The following SYN3 variants were observed in gnomAD, a reference collection of about 807,000 sequenced individuals.
SYN3 encodes the protein synapsin III.
SYN3 carries 35 observed loss-of-function variants against 65.8 expected under a neutral mutation model. The ratio of observed to expected loss-of-function variants is 0.53; its 90% CI spans 0.41 to 0.70. The LOEUF is 0.70. SYN3 is among the 30% of genes least tolerant of loss of function. The probability of loss-of-function intolerance (pLI) is 0.00; values close to 1 mark genes in which losing one functional copy is unlikely to be tolerated. For synonymous variants in SYN3, 270 were observed against 292.9 expected, an observed-to-expected ratio of 0.92 and a Z score of 0.80; for missense variants, 680 against 749.0, an observed-to-expected ratio of 0.91 and a Z score of 1.08.
At chr22:32,700,377 C>T (rs1344921800) in intron 6 of SYN3, among the ~76,000 whole-genome samples, 7 of 152,164 alleles carry the variant, frequency 4.6e-5, no homozygotes, top group Non-Finnish European at 1.0e-4. Flanking sequence ...AGGATAGGAT[C>T]TCTGAGCTGA....
chr22:32,717,106 C>T (rs969922614), intron 6 of SYN3, among the ~76,000 whole-genome samples: 1 of 152,166 alleles, frequency 6.6e-6, no homozygotes, highest in Admixed American at 6.5e-5. Context: ...CCTGTTATAA[C>T]CCTGCAAGGT....
chr22:32,866,437 G>C (rs1320228941), intron 5 of SYN3, among the ~76,000 whole-genome samples: 3 of 152,214 alleles, frequency 2.0e-5, no homozygotes, highest in African/African-American at 7.2e-5. Flanking sequence ...GGAAATTGGA[G>C]TCCAGAAAGG....
intron 6 of SYN3, among the ~76,000 whole-genome samples, chr22:32,600,800 G>A (rs1033647751): frequency 6.6e-6 from 1 of 151,992 alleles, no homozygotes; most frequent in Admixed American, 6.6e-5. Context: ...CAATTCTCCT[G>A]CCTCAGACTT....
intron 6 of SYN3, among the ~76,000 whole-genome samples, chr22:32,655,812 C>G (rs2060134508): frequency 6.6e-6 from 1 of 152,096 alleles, no homozygotes. Flanking sequence ...AAATAAGGTG[C>G]ACAATAAATG....
chr22:32,968,796 C>T (rs150770303), intron 3 of SYN3, among the ~76,000 whole-genome samples: 98 of 152,324 alleles, frequency 6.4e-4, no homozygotes, highest in African/African-American at 2.1e-3. Context: ...GAGAGATCCT[C>T]GTCGCAACAC....
At chr22:32,854,418 C>T (rs567369996) in intron 6 of SYN3, among the ~76,000 whole-genome samples, 4 of 152,148 alleles carry the variant, frequency 2.6e-5, no homozygotes, top group South Asian at 2.1e-4. Context: ...CTCTCACCCA[C>T]GAAGCACTAG....
chr22:32,787,867 G>A (rs1174054929), intron 6 of SYN3, among the ~76,000 whole-genome samples: 1 of 152,112 alleles, frequency 6.6e-6, no homozygotes, highest in Non-Finnish European at 1.5e-5. Flanking sequence ...GATCTGACTG[G>A]CCATGGCAAG....
At chr22:33,052,212 A>G (rs1035792205) in intron 1 of SYN3, among the ~76,000 whole-genome samples, 1 of 151,962 alleles carries the variant, frequency 6.6e-6, no homozygotes, top group African/African-American at 2.4e-5. Context: ...CTCTTCCAAA[A>G]CCTTGGGCTC....
At chr22:32,875,053 T>C (rs941985818) in intron 4 of SYN3, among the ~76,000 whole-genome samples, 1 of 152,164 alleles carries the variant, frequency 6.6e-6, no homozygotes, top group African/African-American at 2.4e-5. Flanking sequence ...GAATCGCCCA[T>C]ATGGAAGGAC....
At chr22:33,011,364 G>A (rs1415788692) in intron 1 of SYN3, among the ~76,000 whole-genome samples, 1 of 152,114 alleles carries the variant, frequency 6.6e-6, no homozygotes. Flanking sequence ...TTAACAATGT[G>A]GTAAATTATA....
At chr22:32,850,167 A>G (rs2048179282) in intron 6 of SYN3, among the ~76,000 whole-genome samples, 1 of 151,358 alleles carries the variant, frequency 6.6e-6, no homozygotes, top group African/African-American at 2.4e-5. Flanking sequence ...GGATATGAAC[A>G]TCATGAAGTA....
chr22:32,596,579 C>A, intron 7 of SYN3, 95 bp downstream of exon 7: 5 of 1,324,370 alleles, frequency 3.8e-6, no homozygotes, highest in Non-Finnish European at 5.3e-6. Context: ...GGTGCCTGTG[C>A]TAAGGGGTTG....
intron 13 of SYN3, among the ~76,000 whole-genome samples, chr22:32,515,433 T>G (rs1457763116): frequency 1.3e-5 from 2 of 152,178 alleles, no homozygotes; most frequent in African/African-American, 4.8e-5. Flanking sequence ...CACAGCGAGG[T>G]TAGGCAACTT....
intron 4 of SYN3, among the ~76,000 whole-genome samples, chr22:32,881,441 C>T (rs943104015): frequency 1.3e-5 from 2 of 152,214 alleles, no homozygotes; most frequent in African/African-American, 4.8e-5. Context: ...TCAGCTCGCT[C>T]AGCAGGAAAT....
intron 4 of SYN3, among the ~76,000 whole-genome samples, chr22:32,912,769 A>G (rs1473140132): frequency 1.3e-5 from 2 of 152,206 alleles, no homozygotes; most frequent in Non-Finnish European, 2.9e-5. Context: ...GAATAATTCC[A>G]ACAACATGAC....
intron 6 of SYN3, among the ~76,000 whole-genome samples, chr22:32,776,677 A>T (rs111254498): frequency 2.8e-4 from 43 of 152,306 alleles, no homozygotes; most frequent in African/African-American, 1.0e-3. Flanking sequence ...ATGGCTTACC[A>T]TGCTCCCTCT....
chr22:32,968,121 C>G (rs2051902536), intron 3 of SYN3, among the ~76,000 whole-genome samples: 1 of 152,182 alleles, frequency 6.6e-6, no homozygotes, highest in Non-Finnish European at 1.5e-5. Context: ...CCAGCTGAAA[C>G]ACATCATGTG....
rs111794441 is a variant in SYN3, at chr22:32,634,443, G to A, written c.712-37707C>T. ...ATGTTCCTGTATTCACAGAGGCAAC[G>A]TAGAGATAGTGCATATGGGAATGAG... On this transcript the variant is annotated intron_variant, in intron 6 of 13. Transcript: ENST00000358763. 1.1e-4 allele frequency among the ~76,000 whole-genome samples: 16 copies of A among 152,300 alleles called. 1 individual carries two copies. The highest frequency in any genetic ancestry group is 3.8e-4 in the African/African-American group (16 of 41,564).
intron 7 of SYN3, among the ~76,000 whole-genome samples, chr22:32,585,944 GTATACA>G (rs2059021427): frequency 3.3e-5 from 1 of 30,638 alleles, no homozygotes; most frequent in African/African-American, 7.1e-5. Context: ...ATATGTGTAT[GTATACA>G]TATATGTGTA....
Sources: gnomAD v4.1 joint callset for allele counts (sites outside exome capture counted in the v4.1 genomes callset) on GRCh38, gnomAD v4.1.1 for gene constraint, MANE v1.5 for transcripts, NCBI Gene and HGNC (gene_info 2026-07-23, HGNC 2026-07-21) for gene names.